Variants in SLC39A11 observed in about 807,000 individuals in gnomAD.
SLC39A11 encodes zinc transporter ZIP11.
In SLC39A11, 33 loss-of-function variants were observed where a neutral mutation model predicts 36.1. That is an observed-to-expected ratio of 0.91 (90% CI 0.69 to 1.22). The LOEUF (loss-of-function observed/expected upper bound fraction) is 1.22. SLC39A11 is among the 50% of genes most tolerant of loss of function. SLC39A11 has a pLI of 0.00. For synonymous variants in SLC39A11, 166 were observed against 170.3 expected, an observed-to-expected ratio of 0.97 and a Z score of 0.20; for missense variants, 432 against 430.3, an observed-to-expected ratio of 1.00 and a Z score of -0.03.
At position 72,763,025 on chromosome 17, in the gene SLC39A11, A is replaced by G. The variant is rs147164407; in HGVS notation, c.602-26306T>C. ...AAACTGTGGTTTCCAATTGGCTGCC[A>G]TGGGGTGGAGGCAGAGAGAACTAGA... is the stretch of plus-strand genomic sequence containing the variant. On this transcript the variant is annotated intron_variant, in intron 6 of 9. Coordinates refer to ENST00000255559, the MANE Select transcript of SLC39A11 (RefSeq NM_139177.4). 2.2e-3 allele frequency among the ~76,000 whole-genome samples: 330 copies of G among 152,290 alleles called. 1 individual carries two copies. Among genetic ancestry groups the G allele is most frequent in the African/African-American group, 7.6e-3 (316 of 41,576 alleles).
intron 5 of SLC39A11, among the ~76,000 whole-genome samples, chr17:72,896,472 G>C (rs1038366654): frequency 3.3e-5 from 5 of 151,836 alleles, no homozygotes; most frequent in African/African-American, 1.2e-4. Context: ...AAAGTGCTGG[G>C]ATTACAGGCA....
chr17:72,649,736 CG>C (rs1340899610), intron 7 of SLC39A11, among the ~76,000 whole-genome samples: 1 of 151,576 alleles, frequency 6.6e-6, no homozygotes, highest in Non-Finnish European at 1.5e-5. Context: ...CTCCACCTCC[CG>C]GGTTCAAGTG....
intron 5 of SLC39A11, among the ~76,000 whole-genome samples, chr17:72,928,656 C>T (rs2084200258): frequency 6.6e-6 from 1 of 152,174 alleles, no homozygotes. Context: ...CTCTCCTTCA[C>T]TCTCCTGCTT....
intron 6 of SLC39A11, among the ~76,000 whole-genome samples, chr17:72,777,869 A>ATATATGTATG (rs1555669316): frequency 2.0e-5 from 3 of 150,070 alleles, no homozygotes; most frequent in South Asian, 4.3e-4. Flanking sequence ...ATGTATGTAT[A>ATATATGTATG]TATGTATGTA....
chr17:72,842,631 C>T (rs1052295881), intron 6 of SLC39A11, among the ~76,000 whole-genome samples: 8 of 152,180 alleles, frequency 5.3e-5, no homozygotes, highest in Admixed American at 1.3e-4. Flanking sequence ...ATGGACAGCA[C>T]TTCAAGAGAC....
chr17:72,736,806 C>T, intron 6 of SLC39A11, 87 bp from the exon 7 acceptor site: 1 of 1,036,036 alleles, frequency 9.7e-7, no homozygotes, highest in South Asian at 1.3e-5. Context: ...TTAAGTAGGA[C>T]TGCATGAGGC....
In SLC39A11 at chr17:72,948,713, G is replaced by A. The variant is rs140961442; in HGVS notation, c.307-838C>T. Among the ~76,000 whole-genome samples, 964 of 152,302 alleles carry A rather than the reference G, an allele frequency of 6.3e-3. 12 individuals are homozygous for A. The highest frequency in any genetic ancestry group is 0.022 in the African/African-American group (920 of 41,550). ...TAACTAGTTAAGCACTGATCAGTTT[G>A]ACTGTTTCGCATTAACCAGGCAAAA... On this transcript the variant is annotated intron_variant, in intron 4 of 9. Transcript: ENST00000255559.
At chr17:72,911,461 T>A in intron 5 of SLC39A11, among the ~76,000 whole-genome samples, 1 of 152,004 alleles carries the variant, frequency 6.6e-6, no homozygotes, top group Non-Finnish European at 1.5e-5. Flanking sequence ...TTTTTACACA[T>A]CTCGTGGTCT....
chr17:72,919,000 T>G (rs894511005), intron 5 of SLC39A11, among the ~76,000 whole-genome samples: 2 of 152,064 alleles, frequency 1.3e-5, no homozygotes, highest in Non-Finnish European at 2.9e-5. Flanking sequence ...GAGGCTGAGG[T>G]TGCAGTGAGC....
At chr17:72,926,645 T>C (rs2452913) in intron 5 of SLC39A11, among the ~76,000 whole-genome samples, 8,353 of 152,172 alleles carry the variant, frequency 0.055, 752 homozygotes, top group African/African-American at 0.19. Context: ...ATAAGTCTTT[T>C]GAATAATGCC....
chr17:72,758,239 T>C (rs2075436760), intron 6 of SLC39A11, among the ~76,000 whole-genome samples: 1 of 152,172 alleles, frequency 6.6e-6, no homozygotes, highest in African/African-American at 2.4e-5. Context: ...GATCAATTAG[T>C]CAGTCAAAGA....
intron 5 of SLC39A11, among the ~76,000 whole-genome samples, chr17:72,888,274 G>A (rs1036037765): frequency 6.6e-6 from 1 of 152,170 alleles, no homozygotes; most frequent in Non-Finnish European, 1.5e-5. Context: ...TGTAAAATAT[G>A]CCTTCTATTT....
At chr17:72,739,810 A>AC (rs2074595353) in intron 6 of SLC39A11, among the ~76,000 whole-genome samples, 2 of 152,102 alleles carry the variant, frequency 1.3e-5, no homozygotes, top group African/African-American at 4.8e-5. Flanking sequence ...TTTACAGTGG[A>AC]CCCTTGAACA....
chr17:73,077,410 C>A (rs151019686), intron 3 of SLC39A11, among the ~76,000 whole-genome samples: 1 of 152,364 alleles, frequency 6.6e-6, no homozygotes, highest in East Asian at 1.9e-4. Flanking sequence ...CTCTGCCTCC[C>A]AGGCTCGAGC....
chr17:72,650,389 GC>G (rs2069794706), intron 7 of SLC39A11, among the ~76,000 whole-genome samples: 1 of 152,216 alleles, frequency 6.6e-6, no homozygotes, highest in African/African-American at 2.4e-5. Flanking sequence ...TTAGTATTTA[GC>G]CATGGAGACA....
intron 7 of SLC39A11, among the ~76,000 whole-genome samples, chr17:72,652,622 C>T (rs1036631473): frequency 1.3e-5 from 2 of 152,170 alleles, no homozygotes; most frequent in Admixed American, 6.5e-5. Flanking sequence ...TTTCCAAGAA[C>T]TCATGCGTCC....
At chr17:72,958,058 C>A (rs1391619776) in intron 4 of SLC39A11, among the ~76,000 whole-genome samples, 1 of 152,134 alleles carries the variant, frequency 6.6e-6, no homozygotes, top group African/African-American at 2.4e-5. Flanking sequence ...CAGAAATAAA[C>A]CCAAATACTT....
At chr17:73,078,590 G>A (rs747758737) in intron 3 of SLC39A11, among the ~76,000 whole-genome samples, 5 of 151,608 alleles carry the variant, frequency 3.3e-5, no homozygotes, top group East Asian at 1.9e-4. Flanking sequence ...GGGTTCAAGC[G>A]ATTCTCCTGT....
Position 72,966,498 on chromosome 17 carries a change from C to T in SLC39A11, c.307-18623G>A, listed in dbSNP as rs533589344. Among the ~76,000 whole-genome samples the T allele has an allele frequency of 6.8e-4, 104 of 152,238 alleles. 1 individual carries two copies. Among genetic ancestry groups the T allele is most frequent in the Admixed American group, 6.6e-3 (101 of 15,296 alleles). ...GGGTCCCCAATCCCCAGGTCACAAA[C>T]CGGGCCGCACATCAGGAGGTGAGCA... On this transcript the variant is annotated intron_variant, in intron 4 of 9. Coordinates refer to ENST00000255559, the MANE Select transcript of SLC39A11 (RefSeq NM_139177.4).
Sources: allele counts gnomAD v4.1 joint callset (sites outside exome capture counted in the v4.1 genomes callset), GRCh38; gene constraint gnomAD v4.1.1; transcripts MANE v1.5; gene names NCBI Gene and HGNC (gene_info 2026-07-23, HGNC 2026-07-21).